The following GBF1 variants were observed in gnomAD, a reference collection of about 807,000 sequenced individuals.
GBF1 encodes golgi brefeldin A resistant guanine nucleotide exchange factor 1.
A neutral mutation model predicts 210.5 loss-of-function variants in GBF1; 114 were observed. That is an observed-to-expected ratio of 0.54 (90% CI 0.47 to 0.63). GBF1 has a LOEUF of 0.63. Among genes scored for constraint, GBF1 ranks in the 30% least tolerant of loss-of-function variants. GBF1 has a pLI of 0.00. For synonymous variants in GBF1, 850 were observed against 889.2 expected (o/e 0.96, Z 0.78); for missense variants, 1,851 against 2,357.7 (o/e 0.79, Z 4.45).
upstream of GBF1, among the ~76,000 whole-genome samples, chr10:102,242,919 A>C (rs1590410029): frequency 2.4e-5 from 2 of 82,320 alleles, no homozygotes; most frequent in African/African-American, 1.1e-4. Flanking sequence ...ACAGAGCAAG[A>C]CTCTGTCTCA....
intron 29 of GBF1, among the ~76,000 whole-genome samples, chr10:102,373,904 T>C (rs1291830403): frequency 2.6e-5 from 4 of 152,366 alleles, no homozygotes; most frequent in South Asian, 2.1e-4. Flanking sequence ...GTGAATAAAC[T>C]GTGGTACATA....
chr10:102,252,032 T>C (rs2071601199), intron 1 of GBF1, among the ~76,000 whole-genome samples: 1 of 151,656 alleles, frequency 6.6e-6, no homozygotes, highest in Admixed American at 6.6e-5. Context: ...CTACTAAAAA[T>C]ACTCTGCTAA....
At chr10:102,287,353 T>A (rs1327351945) in intron 3 of GBF1, among the ~76,000 whole-genome samples, 5 of 72,498 alleles carry the variant, frequency 6.9e-5, no homozygotes, top group South Asian at 4.0e-4. Context: ...TCTTTTTTTT[T>A]TTTTTTTTTT....
At chr10:102,231,462 GGGAGCCA>G in the GBF1 span, 7 of 665,664 alleles carry the variant, frequency 1.1e-5, no homozygotes, top group African/African-American at 1.3e-4. Context: ...GGCTGCGGCC[GGGAGCCA>G]GGGTCCGGGG....
At chr10:102,368,089 G>C in intron 21 of GBF1, 129 bp from the exon 22 acceptor site, 1 of 700,474 alleles carries the variant, frequency 1.4e-6, no homozygotes, top group South Asian at 1.6e-5. Context: ...GTGGAAAGCA[G>C]ACCACTGAGC....
the GBF1 span, chr10:102,231,687 T>G: frequency 6.2e-7 from 1 of 1,612,010 alleles, no homozygotes; most frequent in Non-Finnish European, 8.5e-7. Context: ...CTAGCTCCTG[T>G]AGCTGCTGGC....
intron 3 of GBF1, among the ~76,000 whole-genome samples, chr10:102,286,079 A>T (rs1392394717): frequency 6.6e-6 from 1 of 152,068 alleles, no homozygotes; most frequent in African/African-American, 2.4e-5. Context: ...TTGCAAATTC[A>T]TCCTAACCAT....
chr10:102,365,367 G>GCTT (rs1475307184), intron 17 of GBF1, 30 bp from the exon 18 acceptor site: 2 of 1,583,922 alleles, frequency 1.3e-6, no homozygotes, highest in Non-Finnish European at 1.7e-6. Context: ...AGGCAAAGTA[G>GCTT]CTTCTATACC....
chr10:102,333,034 A>T (rs1202248005), intron 3 of GBF1, among the ~76,000 whole-genome samples: 2 of 152,192 alleles, frequency 1.3e-5, no homozygotes, highest in African/African-American at 4.8e-5. Context: ...TGCATTTAGA[A>T]TCATAAGTTT....
In GBF1 at chr10:102,367,502, G is replaced by A. The variant is rs763248229; in HGVS notation, c.2584G>A (p.Val862Met). The change falls in exon 21 of 40, where the codon GTG becomes ATG. Residue 862 changes from valine (V) to methionine (M), a missense_variant. Physicochemically the swap from Val to Met is conservative, Grantham distance 21. Around this residue, in one of 3 missense-constraint regions of GBF1, gnomAD observed 80 missense variants for 151.4 expected, o/e 0.53. Coordinates refer to ENST00000369983, the MANE Select transcript of GBF1 (RefSeq NM_001377137.1). ...LEEFRKNLKG[V>M]NGGKDFEQDI... ...GGAGTTTCGCAAAAATCTGAAAGGT[G>A]TGAATGGAGGCAAGGACTTTGAGCA... 6.2e-6 allele frequency: 10 copies of A among 1,610,992 alleles called. No individual in the cohort carries two copies. The highest frequency in any genetic ancestry group is 8.5e-6 in the Non-Finnish European group (10 of 1,177,128).
the GBF1 span, among the ~76,000 whole-genome samples, chr10:102,235,579 A>G: frequency 6.6e-6 from 1 of 152,234 alleles, no homozygotes; most frequent in Non-Finnish European, 1.5e-5. Flanking sequence ...AGATAAAAAC[A>G]TAAACATGTA....
At chr10:102,241,856 G>A (rs2070547044), upstream of GBF1, among the ~76,000 whole-genome samples, 1 of 152,246 alleles carries the variant, frequency 6.6e-6, no homozygotes, top group African/African-American at 2.4e-5. This position sits in a 1 kb window ranked among gnomAD's most constrained non-coding sequence, Gnocchi z 6.7. Context: ...GCAGCGAAGT[G>A]GGTTGGGCCG....
chr10:102,341,965 A>C (rs2058210980), intron 3 of GBF1, among the ~76,000 whole-genome samples: 1 of 152,132 alleles, frequency 6.6e-6, no homozygotes, highest in African/African-American at 2.4e-5. Context: ...CACTTTTAAG[A>C]TAACAAACCA....
intron 3 of GBF1, among the ~76,000 whole-genome samples, chr10:102,286,287 A>G (rs2075949375): frequency 6.7e-6 from 1 of 148,596 alleles, no homozygotes; most frequent in African/African-American, 2.5e-5. Context: ...TCATTAAACC[A>G]CTCCTCGCAT....
chr10:102,268,004 T>C (rs1321749417), intron 3 of GBF1, among the ~76,000 whole-genome samples: 1 of 152,144 alleles, frequency 6.6e-6, no homozygotes, highest in Non-Finnish European at 1.5e-5. Context: ...CTGTGATTCT[T>C]TTTTTCCCCA....
Position 102,259,557 on chromosome 10 carries a change from A to G in GBF1, c.97-493A>G, listed in dbSNP as rs542212995. On this transcript the variant is annotated intron_variant, in intron 2 of 39. Coordinates refer to ENST00000369983, the MANE Select transcript of GBF1 (RefSeq NM_001377137.1). ...AGGACTTTTTTTTGTAGAATTGTGT[A>G]AAACAATTTTTGGCCCAGTTGTAAA... 2.0e-5 allele frequency among the ~76,000 whole-genome samples: 3 copies of G among 152,300 alleles called. No individual in the cohort carries two copies. The South Asian group carries it at 6.2e-4, about 32-fold the overall frequency.
At chr10:102,230,796 C>T in the GBF1 span, 1 of 1,549,470 alleles carries the variant, frequency 6.5e-7, no homozygotes, top group African/African-American at 1.4e-5. Context: ...CAGGCCCTGG[C>T]ACGGTGCCCG....
intron 1 of GBF1, among the ~76,000 whole-genome samples, chr10:102,250,202 ATTTTT>A (rs758409932): frequency 6.6e-6 from 1 of 151,318 alleles, no homozygotes; most frequent in Non-Finnish European, 1.5e-5. Flanking sequence ...GATAAGAATA[ATTTTT>A]TTTTGAGACA....
At chr10:102,351,431 C>A in intron 5 of GBF1, 57 bp downstream of exon 5, 1 of 926,836 alleles carries the variant, frequency 1.1e-6, no homozygotes, top group Non-Finnish European at 1.8e-6. Flanking sequence ...GCCGCAGACT[C>A]TACTTACTCT....
Sources: gnomAD v4.1 joint callset for allele counts (sites outside exome capture counted in the v4.1 genomes callset) on GRCh38, gnomAD v4.1.1 for gene constraint, gnomAD v4.1.1 regional missense constraint, Gnocchi (gnomAD v3.1) non-coding constraint, MANE v1.5 for transcripts, NCBI Gene and HGNC (gene_info 2026-07-23, HGNC 2026-07-21) for gene names.